TBXAS1: variants seen among roughly 807,000 people sequenced by gnomAD.
The protein encoded by TBXAS1 is thromboxane-A synthase.
A neutral mutation model predicts 60.7 loss-of-function variants in TBXAS1; 48 were observed. The ratio of observed to expected loss-of-function variants is 0.79; its 90% CI spans 0.63 to 1.01. The LOEUF (loss-of-function observed/expected upper bound fraction) is 1.01, where lower values mean the gene tolerates loss of function less well. Ranked by LOEUF, TBXAS1 falls within the 50% of genes least tolerant of loss-of-function variation. The pLI is 0.00. For synonymous variants in TBXAS1, 287 were observed against 269.7 expected, an observed-to-expected ratio of 1.06 and a Z score of -0.63; for missense variants, 685 against 686.3, an observed-to-expected ratio of 1.00 and a Z score of 0.02.
chr7:139,849,278 C>T (rs1375858204), intron 1 of TBXAS1, among the ~76,000 whole-genome samples: 1 of 151,960 alleles, frequency 6.6e-6, no homozygotes, highest in East Asian at 1.9e-4. Flanking sequence ...ACTCAAGAGG[C>T]TGGGGTGAGA....
At chr7:139,903,446 C>G (rs1032155876) in intron 3 of TBXAS1, among the ~76,000 whole-genome samples, 16 of 152,012 alleles carry the variant, frequency 1.1e-4, no homozygotes, top group Admixed American at 9.2e-4. Context: ...TTCTTTTCCT[C>G]TGGGTAGATA....
intron 3 of TBXAS1, among the ~76,000 whole-genome samples, chr7:139,882,635 A>G (rs772450758): frequency 1.5e-4 from 23 of 152,258 alleles, no homozygotes; most frequent in Non-Finnish European, 2.8e-4. Context: ...TACATAGTAT[A>G]TTGAGAAAAC....
intron 7 of TBXAS1, 63 bp from the exon 8 acceptor site, chr7:139,957,571 G>A (rs1194408657): frequency 1.9e-6 from 3 of 1,611,120 alleles, no homozygotes; most frequent in South Asian, 1.1e-5. Context: ...GGGAACAGGC[G>A]TCTAATGGCC....
At chr7:139,821,561 C>G (rs1798297244) in intron 4 of TBXAS1, among the ~76,000 whole-genome samples, 1 of 152,218 alleles carries the variant, frequency 6.6e-6, no homozygotes. Flanking sequence ...CCATAGCAAC[C>G]TTGAAGCAGA....
intron 5 of TBXAS1, among the ~76,000 whole-genome samples, chr7:139,947,697 C>G (rs1808848922): frequency 6.6e-6 from 1 of 152,228 alleles, no homozygotes; most frequent in Admixed American, 6.5e-5. Flanking sequence ...GGTTGCCAGA[C>G]AGCTGCTCAG....
intron 4 of TBXAS1, among the ~76,000 whole-genome samples, chr7:139,812,850 A>G (rs10279720): frequency 0.063 from 9,597 of 152,120 alleles, 1,009 homozygotes; most frequent in African/African-American, 0.22. Flanking sequence ...TGAGGTCAGG[A>G]GTTCAAGGCC....
intron 4 of TBXAS1, among the ~76,000 whole-genome samples, chr7:139,935,076 C>T (rs180705597): frequency 0.011 from 1,634 of 152,228 alleles, 20 homozygotes; most frequent in South Asian, 0.039. Context: ...GGCCTCCCAG[C>T]GTGCTGGGAT....
chr7:139,905,266 C>G (rs1010941051), intron 3 of TBXAS1, among the ~76,000 whole-genome samples: 1 of 151,810 alleles, frequency 6.6e-6, no homozygotes, highest in Non-Finnish European at 1.5e-5. Context: ...TATAGATGGC[C>G]TTTATTACAT....
chr7:139,942,751 C>G (rs965896665), intron 5 of TBXAS1, among the ~76,000 whole-genome samples: 8 of 152,158 alleles, frequency 5.3e-5, no homozygotes, highest in East Asian at 1.9e-4. Context: ...AAATGGGAGG[C>G]TGGTATCTCG....
At chr7:139,913,356 G>A in intron 4 of TBXAS1, 1 of 547,480 alleles carries the variant, frequency 1.8e-6, no homozygotes. Context: ...AGAAGTTGGA[G>A]AAGCCAATAA....
intron 12 of TBXAS1, 82 bp from the exon 13 acceptor site, chr7:140,019,943 C>A: frequency 1.5e-6 from 2 of 1,360,654 alleles, no homozygotes; most frequent in Non-Finnish European, 2.1e-6. Flanking sequence ...ACGGACTTGG[C>A]CTTCTTGAAC....
At chr7:139,840,959 C>A (rs1799396626) in intron 1 of TBXAS1, among the ~76,000 whole-genome samples, 1 of 152,210 alleles carries the variant, frequency 6.6e-6, no homozygotes, top group Admixed American at 6.5e-5. Flanking sequence ...GACTCCGTGA[C>A]TTCTATGCCC....
intron 9 of TBXAS1, among the ~76,000 whole-genome samples, chr7:139,977,142 T>A (rs1251237256): frequency 6.6e-6 from 1 of 152,138 alleles, no homozygotes; most frequent in African/African-American, 2.4e-5. Flanking sequence ...GGTCTATGCA[T>A]CGACTCTAGG....
intron 4 of TBXAS1, among the ~76,000 whole-genome samples, chr7:139,807,159 C>A (rs566721792): frequency 6.6e-6 from 1 of 152,252 alleles, no homozygotes; most frequent in Admixed American, 6.5e-5. Flanking sequence ...CCAGCTCTTC[C>A]ATGTGGTCTC....
chr7:140,012,933 T>C (rs1246204475), intron 10 of TBXAS1, among the ~76,000 whole-genome samples: 1 of 152,028 alleles, frequency 6.6e-6, no homozygotes, highest in Non-Finnish European at 1.5e-5. Context: ...AGCCAGCAGA[T>C]CAGGAAAGGA....
chr7:139,827,628 G>T (rs927133933), upstream of TBXAS1, among the ~76,000 whole-genome samples: 6 of 152,198 alleles, frequency 3.9e-5, no homozygotes, highest in Admixed American at 1.3e-4. Context: ...TCCAGGATTT[G>T]TTTCAAGATT....
chr7:140,004,498 G>A lies in TBXAS1; in HGVS notation c.1135-2593G>A, dbSNP rs1813910145. On this transcript the variant is annotated intron_variant, in intron 9 of 12. Transcript: ENST00000448866. This position sits in a 1 kb window ranked among gnomAD's most constrained non-coding sequence, Gnocchi z 5.1. ...CTGAAATTACACAATTGGTGTTTGT[G>A]ACTTGTTGGCCAGAAGAGACAAACA... Among the ~76,000 whole-genome samples the A allele has an allele frequency of 6.6e-6, 1 of 152,324 alleles. No homozygotes were observed. The highest frequency in any genetic ancestry group is 3.4e-3 in the Middle Eastern group (1 of 294).
At chr7:139,951,941 G>A (rs1469141518) in intron 5 of TBXAS1, among the ~76,000 whole-genome samples, 1 of 20,650 alleles carries the variant, frequency 4.8e-5, no homozygotes, top group Admixed American at 6.9e-4. Context: ...GAGAAAGAAG[G>A]AAAGAAAGAA....
At chr7:139,824,829 C>CTTTTCTTTTTTTTTTT (rs1401847052), upstream of TBXAS1, among the ~76,000 whole-genome samples, 14 of 38,866 alleles carry the variant, frequency 3.6e-4, 2 homozygotes, top group African/African-American at 5.7e-4. Context: ...TTTTCCTTTT[C>CTTTTCTTTTTTTTTTT]TTTTTTTTTT....
Sources: gnomAD v4.1 joint callset for allele counts (sites outside exome capture counted in the v4.1 genomes callset) on GRCh38, gnomAD v4.1.1 for gene constraint, Gnocchi (gnomAD v3.1) non-coding constraint, MANE v1.5 for transcripts, NCBI Gene and HGNC (gene_info 2026-07-23, HGNC 2026-07-21) for gene names.